Variants in NXPH2 observed in about 807,000 individuals in gnomAD.
The protein encoded by NXPH2 is neurexophilin 2.
Under a neutral mutation model 19.8 loss-of-function variants are expected in NXPH2, and 5 were observed. The observed-to-expected ratio is 0.25, with a 90% CI of 0.13 to 0.53. NXPH2 has a LOEUF of 0.53. Ranked by LOEUF, NXPH2 falls within the 20% of genes least tolerant of loss-of-function variation. The probability of loss-of-function intolerance (pLI) is 0.96; values close to 1 mark genes in which losing one functional copy is unlikely to be tolerated. For synonymous variants in NXPH2, 154 were observed against 127.4 expected, an observed-to-expected ratio of 1.21 and a Z score of -1.41; for missense variants, 289 against 322.8, an observed-to-expected ratio of 0.90 and a Z score of 0.80.
chr2:138,721,168 C>T (rs370093278), intron 1 of NXPH2, among the ~76,000 whole-genome samples: 20 of 151,972 alleles, frequency 1.3e-4, no homozygotes, highest in African/African-American at 4.6e-4. Flanking sequence ...GGTGAAACCC[C>T]CATCTCTACT....
At chr2:138,747,817 T>C (rs1404372164) in intron 1 of NXPH2, among the ~76,000 whole-genome samples, 2 of 152,178 alleles carry the variant, frequency 1.3e-5, no homozygotes, top group Non-Finnish European at 2.9e-5. Flanking sequence ...CATTGAGGGA[T>C]ATCAACCATC....
In NXPH2 at chr2:138,671,553, G is replaced by C; in HGVS notation, c.164C>G (p.Pro55Arg). ...GNVVHSRIIS[P>R]LRLFVKQSPV... is the part of the protein sequence containing the mutation. ...AGACTGTTTAACAAACAGGCGCAGG[G>C]GACTGATGATCCTTGAGTGCACCAC... Residue 55 changes from proline to arginine, a missense_variant, in exon 2 of 2, where the codon CCC becomes CGC. Coordinates refer to ENST00000272641, the MANE Select transcript of NXPH2 (RefSeq NM_007226.3). 3 of 1,613,942 alleles carry C rather than the reference G, an allele frequency of 1.9e-6. No individual in the cohort carries two copies. Among genetic ancestry groups the C allele is most frequent in the Non-Finnish European group, 2.5e-6 (3 of 1,179,860 alleles).
chr2:138,672,569 A>T (rs7583686), intron 1 of NXPH2, among the ~76,000 whole-genome samples: 6,534 of 152,278 alleles, frequency 0.043, 213 homozygotes, highest in Middle Eastern at 0.12. Context: ...ATCACTGTAT[A>T]TGATGCTGTT....
intron 1 of NXPH2, among the ~76,000 whole-genome samples, chr2:138,688,369 A>G (rs980300713): frequency 2.6e-5 from 4 of 152,110 alleles, no homozygotes; most frequent in African/African-American, 9.7e-5. Context: ...TTTAGTAGAT[A>G]TGGGGTTTCA....
At chr2:138,676,799 TG>T (rs11316582) in intron 1 of NXPH2, among the ~76,000 whole-genome samples, 9,273 of 152,224 alleles carry the variant, frequency 0.061, 560 homozygotes, top group African/African-American at 0.16. Context: ...AATGGTTAAT[TG>T]AGCAACTTGT....
intron 1 of NXPH2, among the ~76,000 whole-genome samples, chr2:138,769,489 A>T (rs1406736139): frequency 6.6e-6 from 1 of 152,246 alleles, no homozygotes; most frequent in Non-Finnish European, 1.5e-5. Context: ...AAAGGATGCC[A>T]AAAGAGTCCA....
chr2:138,709,688 C>T (rs545395699), intron 1 of NXPH2, among the ~76,000 whole-genome samples: 1 of 152,290 alleles, frequency 6.6e-6, no homozygotes, highest in South Asian at 2.1e-4. Flanking sequence ...TCATCCCGTC[C>T]TCTCCCCAAC....
chr2:138,758,700 CTG>C (rs1404086496), intron 1 of NXPH2, among the ~76,000 whole-genome samples: 12 of 152,324 alleles, frequency 7.9e-5, no homozygotes, highest in Admixed American at 2.6e-4. Flanking sequence ...CAATTAGAGA[CTG>C]TGGCCTGGTG....
chr2:138,708,197 G>T (rs148761882), intron 1 of NXPH2, among the ~76,000 whole-genome samples: 2 of 152,270 alleles, frequency 1.3e-5, no homozygotes, highest in African/African-American at 4.8e-5. Flanking sequence ...CAGGAAAGCC[G>T]ATCTGGAAAA....
intron 1 of NXPH2, among the ~76,000 whole-genome samples, chr2:138,673,571 C>G (rs1181391237): frequency 6.6e-6 from 1 of 151,940 alleles, no homozygotes; most frequent in Non-Finnish European, 1.5e-5. Flanking sequence ...TTGTTGCTAA[C>G]TATAGTATAG....
intron 1 of NXPH2, among the ~76,000 whole-genome samples, chr2:138,681,433 TTA>T (rs1256241148): frequency 6.6e-6 from 1 of 152,346 alleles, no homozygotes; most frequent in East Asian, 1.9e-4. Context: ...ATATAAAGTG[TTA>T]TGTCTTTACT....
At chr2:138,736,321 T>C (rs1412141523) in intron 1 of NXPH2, among the ~76,000 whole-genome samples, 1 of 152,200 alleles carries the variant, frequency 6.6e-6, no homozygotes, top group Non-Finnish European at 1.5e-5. Flanking sequence ...TCCTCTGAAA[T>C]ATAGGCAGAG....
In NXPH2 at chr2:138,688,826, G is replaced by GC. The variant is rs577026733; in HGVS notation, c.52-17162dup. Among the ~76,000 whole-genome samples, 22 of 151,858 alleles carry GC rather than the reference G, an allele frequency of 1.4e-4. No homozygotes were observed. In the South Asian group the frequency reaches 1.7e-3, roughly 11 times the overall value. Reference sequence around the variant, plus strand: ...CATCCTGATAGACTTGGTCACCACCGCCCCCCCAACCCCCGGCCGAAACTG... The same window carrying GC: ...CATCCTGATAGACTTGGTCACCACCGCCCCCCCCAACCCCCGGCCGAAACTG... On this transcript the variant is annotated intron_variant, in intron 1 of 1. Coordinates refer to ENST00000272641, the MANE Select transcript of NXPH2 (RefSeq NM_007226.3).
At chr2:138,703,292 C>A (rs998771765) in intron 1 of NXPH2, among the ~76,000 whole-genome samples, 23 of 152,118 alleles carry the variant, frequency 1.5e-4, no homozygotes, top group Non-Finnish European at 4.4e-5. Context: ...GCCATACATA[C>A]CCTCTGAGAG....
At chr2:138,767,736 T>C (rs1039762079) in intron 1 of NXPH2, among the ~76,000 whole-genome samples, 6 of 152,218 alleles carry the variant, frequency 3.9e-5, no homozygotes, top group African/African-American at 1.4e-4. Flanking sequence ...GATTTTTCAT[T>C]TGAGCATGGA....
At chr2:138,731,696 C>T (rs1681455094) in intron 1 of NXPH2, among the ~76,000 whole-genome samples, 1 of 151,934 alleles carries the variant, frequency 6.6e-6, no homozygotes, top group Non-Finnish European at 1.5e-5. Flanking sequence ...AACCTGCAGA[C>T]AGGACTGGAG....
At chr2:138,721,015 C>T (rs1442731654) in intron 1 of NXPH2, among the ~76,000 whole-genome samples, 1 of 152,106 alleles carries the variant, frequency 6.6e-6, no homozygotes, top group Non-Finnish European at 1.5e-5. Context: ...GCATGCAGGG[C>T]ATTATTAAAT....
chr2:138,681,479 A>G (rs1680578770), intron 1 of NXPH2, among the ~76,000 whole-genome samples: 1 of 152,240 alleles, frequency 6.6e-6, no homozygotes, highest in Non-Finnish European at 1.5e-5. Context: ...TAACATATAT[A>G]ATACACAATG....
intron 1 of NXPH2, among the ~76,000 whole-genome samples, chr2:138,768,831 T>C (rs1008306212): frequency 2.0e-5 from 3 of 152,200 alleles, no homozygotes; most frequent in African/African-American, 7.2e-5. Context: ...CCCTCTGAGA[T>C]AGCTAATAAC....
Sources: gnomAD v4.1 joint callset for allele counts (sites outside exome capture counted in the v4.1 genomes callset) on GRCh38, gnomAD v4.1.1 for gene constraint, MANE v1.5 for transcripts, NCBI Gene and HGNC (gene_info 2026-07-23, HGNC 2026-07-21) for gene names.